SLC9A9: variants seen among roughly 807,000 people sequenced by gnomAD.
SLC9A9 encodes solute carrier family 9 member A9.
In SLC9A9, 62 loss-of-function variants were observed where a neutral mutation model predicts 77.8. The ratio of observed to expected loss-of-function variants is 0.80; its 90% CI spans 0.65 to 0.98. The LOEUF (loss-of-function observed/expected upper bound fraction) is 0.98. SLC9A9 is among the 50% of genes least tolerant of loss of function. The pLI is 0.00. For synonymous variants in SLC9A9, 320 were observed against 283.5 expected, an observed-to-expected ratio of 1.13 and a Z score of -1.29; for missense variants, 775 against 774.9, an observed-to-expected ratio of 1.00 and a Z score of 0.00.
intron 2 of SLC9A9, among the ~76,000 whole-genome samples, chr3:143,819,678 G>A (rs1245673353): frequency 1.3e-5 from 2 of 152,090 alleles, no homozygotes; most frequent in Non-Finnish European, 2.9e-5. Context: ...AATTTGGGTG[G>A]GGCTGAAGTT....
At chr3:143,659,483 A>G (rs995836689) in intron 5 of SLC9A9, among the ~76,000 whole-genome samples, 15 of 152,334 alleles carry the variant, frequency 9.8e-5, no homozygotes, top group African/African-American at 3.4e-4. Context: ...CAATCAGTGG[A>G]TCAGGACACA....
chr3:143,653,388 A>G (rs2038832297), intron 5 of SLC9A9, among the ~76,000 whole-genome samples: 1 of 152,214 alleles, frequency 6.6e-6, no homozygotes. Context: ...TGATCCATTG[A>G]ATTAATTGCC....
At chr3:143,679,204 C>A (rs975405382) in intron 5 of SLC9A9, among the ~76,000 whole-genome samples, 2 of 152,180 alleles carry the variant, frequency 1.3e-5, no homozygotes, top group East Asian at 3.8e-4. Context: ...GTAATCATTG[C>A]TTAGCTCCTT....
At chr3:143,443,936 G>C (rs897563169) in intron 12 of SLC9A9, among the ~76,000 whole-genome samples, 7 of 152,106 alleles carry the variant, frequency 4.6e-5, no homozygotes, top group Admixed American at 4.6e-4. Flanking sequence ...TGCATTCCTT[G>C]GCTTACTAAA....
Position 143,574,088 on chromosome 3 carries a change from C to T in SLC9A9, c.1000G>A (p.Gly334Arg), listed in dbSNP as rs771918697. The T allele has an allele frequency of 6.2e-7, 1 of 1,612,776 alleles. No individual in the cohort carries two copies. Among genetic ancestry groups the T allele is most frequent in the East Asian group, 2.2e-5 (1 of 44,800 alleles). Residue 334 changes from glycine (G) to arginine (R), a missense_variant and splice_region_variant, in exon 8 of 16, where the codon GGG (glycine) becomes AGG (arginine). Coordinates refer to ENST00000316549, the MANE Select transcript of SLC9A9 (RefSeq NM_173653.4). ...TGGCTGTGCAGCATGAAGCACTGAC[C>T]TGTTAGGCCGGCAGCCTCGGCAGAC... is the stretch of plus-strand genomic sequence containing the variant. ...FLSAEAAGLT[G>R]IVAVLFCGVT... is the part of the protein sequence containing the mutation.
At chr3:143,530,479 G>A (rs960693505) in intron 9 of SLC9A9, among the ~76,000 whole-genome samples, 4 of 152,128 alleles carry the variant, frequency 2.6e-5, no homozygotes, top group South Asian at 2.1e-4. Flanking sequence ...GCCACGCAGA[G>A]CTGTGAGTCC....
intron 4 of SLC9A9, among the ~76,000 whole-genome samples, chr3:143,693,761 C>T (rs1383815852): frequency 6.6e-6 from 1 of 152,100 alleles, no homozygotes; most frequent in Non-Finnish European, 1.5e-5. Context: ...TCACAAGGCA[C>T]TCAGTCAACC....
chr3:143,333,683 A>C (rs1358130996), intron 14 of SLC9A9, among the ~76,000 whole-genome samples: 6 of 152,234 alleles, frequency 3.9e-5, no homozygotes, highest in African/African-American at 1.4e-4. Context: ...CAAAGTGAAG[A>C]ATTCCTAATT....
intron 4 of SLC9A9, among the ~76,000 whole-genome samples, chr3:143,779,164 C>T (rs1013147739): frequency 6.6e-6 from 1 of 152,108 alleles, no homozygotes; most frequent in African/African-American, 2.4e-5. Flanking sequence ...TTTATCACAT[C>T]TATCATAAGT....
intron 12 of SLC9A9, among the ~76,000 whole-genome samples, chr3:143,393,188 A>G (rs1403665256): frequency 6.6e-6 from 1 of 152,206 alleles, no homozygotes; most frequent in East Asian, 1.9e-4. Context: ...TTGACCACAT[A>G]GTTGGAAGTA....
At chr3:143,744,328 C>A (rs541946755) in intron 4 of SLC9A9, among the ~76,000 whole-genome samples, 1 of 152,284 alleles carries the variant, frequency 6.6e-6, no homozygotes, top group East Asian at 1.9e-4. Flanking sequence ...GGCCACTTCA[C>A]GCCCCTGTCA....
At chr3:143,792,399 A>G (rs2008250659) in intron 4 of SLC9A9, among the ~76,000 whole-genome samples, 1 of 152,314 alleles carries the variant, frequency 6.6e-6, no homozygotes, top group African/African-American at 2.4e-5. Context: ...CTTGTTTCTT[A>G]TTATATGGCT....
chr3:143,316,519 C>T (rs1358205530), intron 14 of SLC9A9, among the ~76,000 whole-genome samples: 1 of 152,270 alleles, frequency 6.6e-6, no homozygotes, highest in African/African-American at 2.4e-5. Flanking sequence ...TTGGTTACAA[C>T]CAGCAAATGA....
intron 9 of SLC9A9, among the ~76,000 whole-genome samples, chr3:143,519,113 T>G (rs1255212155): frequency 2.0e-5 from 3 of 152,198 alleles, no homozygotes; most frequent in African/African-American, 7.2e-5. Flanking sequence ...AAAACCTGCC[T>G]TTTTGGAACA....
At chr3:143,335,279 T>G (rs4839589) in intron 14 of SLC9A9, among the ~76,000 whole-genome samples, 112,098 of 152,080 alleles carry the variant, frequency 0.74, 42,687 homozygotes, top group African/African-American at 0.93. Flanking sequence ...AAACACTGAT[T>G]AAAGAAATAA....
chr3:143,811,605 G>A (rs1231612877), intron 2 of SLC9A9: 2 of 446,488 alleles, frequency 4.5e-6, no homozygotes, highest in Non-Finnish European at 8.9e-6. Flanking sequence ...CAGTACTTTG[G>A]GAGGCCGACG....
At chr3:143,282,246 C>T (rs1938242010) in intron 14 of SLC9A9, among the ~76,000 whole-genome samples, 1 of 152,106 alleles carries the variant, frequency 6.6e-6, no homozygotes, top group Non-Finnish European at 1.5e-5. Context: ...CAGCAATAAC[C>T]ACAACACATA....
At chr3:143,497,109 A>G (rs914144253) in intron 9 of SLC9A9, among the ~76,000 whole-genome samples, 23 of 152,360 alleles carry the variant, frequency 1.5e-4, no homozygotes, top group Admixed American at 3.3e-4. Context: ...GAGCTTCAAC[A>G]TATGAATTTT....
At chr3:143,759,159 A>T (rs1341742252) in intron 4 of SLC9A9, among the ~76,000 whole-genome samples, 1 of 152,094 alleles carries the variant, frequency 6.6e-6, no homozygotes, top group Non-Finnish European at 1.5e-5. Context: ...ATCTGATCTC[A>T]TTAGGCTCCC....
Sources: allele counts gnomAD v4.1 joint callset (sites outside exome capture counted in the v4.1 genomes callset), GRCh38; gene constraint gnomAD v4.1.1; transcripts MANE v1.5; gene names NCBI Gene and HGNC (gene_info 2026-07-23, HGNC 2026-07-21).